TUSC3: variants seen among roughly 807,000 people sequenced by gnomAD.
TUSC3 encodes dolichyl-diphosphooligosaccharide--protein glycosyltransferase subunit TUSC3.
TUSC3 carries 45 observed loss-of-function variants against 44.8 expected under a neutral mutation model. That is an observed-to-expected ratio of 1.00 (90% CI 0.79 to 1.29). The LOEUF is 1.29. Among genes scored for constraint, TUSC3 ranks in the 50% most tolerant of loss-of-function variants. TUSC3 has a pLI of 0.00. For missense variants in TUSC3, 519 were observed against 437.9 expected, an observed-to-expected ratio of 1.19 and a Z score of -1.65; for synonymous variants, 212 against 152.9, an observed-to-expected ratio of 1.39 and a Z score of -2.85.
At chr8:15,774,599 T>G in the TUSC3 span, among the ~76,000 whole-genome samples, 1 of 152,178 alleles carries the variant, frequency 6.6e-6, no homozygotes. Context: ...ATCGTAAATT[T>G]CTGTTCTTTT....
intron 2 of TUSC3, among the ~76,000 whole-genome samples, chr8:15,492,672 C>T (rs573466757): frequency 6.6e-6 from 1 of 151,906 alleles, no homozygotes. Flanking sequence ...CACAGTGGCT[C>T]ACACCTGTAA....
At chr8:15,529,735 T>C (rs1389848563) in intron 2 of TUSC3, among the ~76,000 whole-genome samples, 3 of 151,172 alleles carry the variant, frequency 2.0e-5, no homozygotes, top group East Asian at 1.9e-4. Flanking sequence ...TTTCCTCTTA[T>C]AATGTCTTCT....
At chr8:15,814,835 C>T in the TUSC3 span, among the ~76,000 whole-genome samples, 1 of 152,038 alleles carries the variant, frequency 6.6e-6, no homozygotes, top group African/African-American at 2.4e-5. Context: ...GGCTGAAAAC[C>T]AGGTGATCCA....
At chr8:15,631,571 A>T (rs369745540) in intron 2 of TUSC3, among the ~76,000 whole-genome samples, 6 of 152,186 alleles carry the variant, frequency 3.9e-5, no homozygotes, top group African/African-American at 1.4e-4. Context: ...GGTAAAAGAA[A>T]TCAGTCAAAT....
chr8:15,430,506 A>C (rs574242825), intron 1 of TUSC3, among the ~76,000 whole-genome samples: 14 of 150,800 alleles, frequency 9.3e-5, no homozygotes, highest in African/African-American at 3.5e-4. Context: ...TCTATGACAG[A>C]CCCACAGCCA....
At chr8:15,681,411 G>C (rs761188448) in intron 6 of TUSC3, among the ~76,000 whole-genome samples, 1 of 151,844 alleles carries the variant, frequency 6.6e-6, no homozygotes, top group Non-Finnish European at 1.5e-5. Context: ...AAGAGTGTAT[G>C]TTTCCAGGAA....
At chr8:15,771,877 A>G in the TUSC3 span, among the ~76,000 whole-genome samples, 1 of 152,134 alleles carries the variant, frequency 6.6e-6, no homozygotes, top group Non-Finnish European at 1.5e-5. Context: ...TCACAAGGTC[A>G]GGAGGTCGAG....
the TUSC3 span, among the ~76,000 whole-genome samples, chr8:15,787,790 G>A: frequency 6.6e-6 from 1 of 152,108 alleles, no homozygotes; most frequent in African/African-American, 2.4e-5. Context: ...CTTCCCAGAG[G>A]TGATATTAAG....
intron 1 of TUSC3, among the ~76,000 whole-genome samples, chr8:15,430,729 C>A (rs1180432877): frequency 6.6e-6 from 1 of 151,570 alleles, no homozygotes; most frequent in African/African-American, 2.4e-5. Context: ...TCTAGAAAAC[C>A]CCATTGTCTC....
intron 1 of TUSC3, among the ~76,000 whole-genome samples, chr8:15,442,922 T>C (rs926387038): frequency 2.2e-4 from 34 of 152,124 alleles, no homozygotes; most frequent in African/African-American, 8.2e-4. Flanking sequence ...CCGACTCTTA[T>C]TATCTAACTC....
intron 1 of TUSC3, among the ~76,000 whole-genome samples, chr8:15,462,533 T>A (rs147713643): frequency 2.8e-3 from 433 of 152,208 alleles, no homozygotes; most frequent in African/African-American, 9.9e-3. Context: ...GTTATCTCCC[T>A]ACGATATTAA....
At chr8:15,752,562 C>G (rs918659380) in intron 9 of TUSC3, among the ~76,000 whole-genome samples, 15 of 152,024 alleles carry the variant, frequency 9.9e-5, no homozygotes, top group African/African-American at 3.6e-4. Context: ...TCATAGTGTT[C>G]TGGTATTTTA....
At chr8:15,614,783 G>A (rs1804919072) in intron 1 of TUSC3, among the ~76,000 whole-genome samples, 1 of 151,912 alleles carries the variant, frequency 6.6e-6, no homozygotes, top group Admixed American at 6.6e-5. Context: ...TCTGTGAAAT[G>A]CCGGATTATT....
At chr8:15,804,274 A>T in the TUSC3 span, among the ~76,000 whole-genome samples, 4 of 152,130 alleles carry the variant, frequency 2.6e-5, no homozygotes, top group African/African-American at 7.2e-5. Flanking sequence ...ATAGATTTTT[A>T]AAAAGTTTAC....
the TUSC3 span, among the ~76,000 whole-genome samples, chr8:15,777,210 A>G: frequency 6.6e-6 from 1 of 152,176 alleles, no homozygotes; most frequent in Non-Finnish European, 1.5e-5. Context: ...CATATCAAGA[A>G]TAACATTTCA....
chr8:15,440,797 A>T (rs565605370), intron 1 of TUSC3, among the ~76,000 whole-genome samples: 1 of 152,066 alleles, frequency 6.6e-6, no homozygotes, highest in African/African-American at 2.4e-5. Flanking sequence ...ACTACTGGGA[A>T]GAGAGAGACT....
chr8:15,741,272 A>G (rs1467859036), intron 7 of TUSC3, among the ~76,000 whole-genome samples: 1 of 152,206 alleles, frequency 6.6e-6, no homozygotes, highest in Non-Finnish European at 1.5e-5. Context: ...TTCCCCAGTA[A>G]TAGAAATACT....
chr8:15,797,918 C>T, the TUSC3 span, among the ~76,000 whole-genome samples: 1 of 151,800 alleles, frequency 6.6e-6, no homozygotes, highest in Non-Finnish European at 1.5e-5. Context: ...TTTTTTTTTC[C>T]ACCGACTATA....
chr8:15,845,527 A>T, the TUSC3 span, among the ~76,000 whole-genome samples: 1 of 152,294 alleles, frequency 6.6e-6, no homozygotes, highest in East Asian at 1.9e-4. Flanking sequence ...CTTGAGTCTA[A>T]AACATTTTAA....
Sources: gnomAD v4.1 joint callset for allele counts (sites outside exome capture counted in the v4.1 genomes callset) on GRCh38, gnomAD v4.1.1 for gene constraint, MANE v1.5 for transcripts, NCBI Gene and HGNC (gene_info 2026-07-23, HGNC 2026-07-21) for gene names.